Variants in C13orf46 observed in about 807,000 individuals in gnomAD.
C13orf46 encodes uncharacterized protein C13orf46.
chr13:113,945,952 A>G, the C13orf46 span, among the ~76,000 whole-genome samples: 1 of 152,192 alleles, frequency 6.6e-6, no homozygotes, highest in East Asian at 1.9e-4. Context: ...AGTGCAGGGC[A>G]GTAAACCCAC....
At chr13:113,945,071 G>A in the C13orf46 span, among the ~76,000 whole-genome samples, 16 of 151,376 alleles carry the variant, frequency 1.1e-4, no homozygotes, top group South Asian at 2.7e-3. Context: ...GAGTCCTCCA[G>A]GTGTGTGACG....
At chr13:113,958,363 G>A (rs1230088433) in intron 6 of C13orf46, among the ~76,000 whole-genome samples, 2 of 152,228 alleles carry the variant, frequency 1.3e-5, no homozygotes, top group African/African-American at 4.8e-5. Flanking sequence ...CCCTGACTGG[G>A]AGGACATGCA....
the C13orf46 span, among the ~76,000 whole-genome samples, chr13:113,946,295 C>A: frequency 6.6e-6 from 1 of 152,168 alleles, no homozygotes; most frequent in African/African-American, 2.4e-5. Flanking sequence ...CACACGCACC[C>A]CTCTAACTCA....
Position 113,956,114 on chromosome 13 carries a change from G to A in C13orf46, c.*659C>T, listed in dbSNP as rs1196852895. ...GTGGAGTAGTATCTGGCGGAGAGGA[G>A]GAGTAGGATCTGGCGGAGAGGAGGA... On this transcript the variant is annotated 3_prime_UTR_variant, in exon 7 of 7. Transcript: ENST00000636427. 1 of 157,398 alleles carries A rather than the reference G, an allele frequency of 6.4e-6. No homozygotes were observed. The highest frequency in any genetic ancestry group is 1.4e-5 in the Non-Finnish European group (1 of 72,604). The allele number at this position is 157,398 out of a possible 1,614,324, so 9.8% of individuals were successfully genotyped here. A position where few individuals can be genotyped will look rare whatever the true frequency, so the allele number is the denominator to read the frequency against.
rs2052502850 is a variant in C13orf46, at chr13:113,954,257, C to T, written c.*2516G>A. The T allele has an allele frequency of 6.6e-6, 1 of 152,328 alleles. No homozygotes were observed. The highest frequency in any genetic ancestry group is 1.5e-5 in the Non-Finnish European group (1 of 68,114). The allele number at this position is 152,328 out of a possible 1,614,324, so 9.4% of individuals were successfully genotyped here. A position where few individuals can be genotyped will look rare whatever the true frequency, so the allele number is the denominator to read the frequency against. On this transcript the variant is annotated 3_prime_UTR_variant, in exon 7 of 7. Coordinates refer to ENST00000636427, the MANE Select transcript of C13orf46 (RefSeq NM_001365455.2). Reference sequence around the variant, plus strand: ...GTGGCCTCTGACTGCCTTAGAGACACCCGGATCAGAGATGCTGCAGGTCAC... The same window carrying T: ...GTGGCCTCTGACTGCCTTAGAGACATCCGGATCAGAGATGCTGCAGGTCAC...
At chr13:113,938,694 C>G in the C13orf46 span, among the ~76,000 whole-genome samples, 1 of 152,196 alleles carries the variant, frequency 6.6e-6, no homozygotes, top group Non-Finnish European at 1.5e-5. Context: ...TTGCTGTGCC[C>G]ACCACTGGGA....
chr13:113,933,932 T>G, the C13orf46 span, among the ~76,000 whole-genome samples: 1 of 152,162 alleles, frequency 6.6e-6, no homozygotes, highest in Non-Finnish European at 1.5e-5. Flanking sequence ...TTCCGTGTGT[T>G]TGTTTTATTC....
Position 113,955,328 on chromosome 13 carries a change from G to A in C13orf46, c.*1445C>T. 5.7e-6 allele frequency: 1 copy of A among 174,074 alleles called. No individual in the cohort carries two copies. The highest frequency in any genetic ancestry group is 1.2e-5 in the Non-Finnish European group (1 of 84,344). The allele number at this position is 174,074 out of a possible 1,614,324, so 10.8% of individuals were successfully genotyped here. A position where few individuals can be genotyped will look rare whatever the true frequency, so the allele number is the denominator to read the frequency against. On this transcript the variant is annotated 3_prime_UTR_variant, in exon 7 of 7. Coordinates refer to ENST00000636427, the MANE Select transcript of C13orf46 (RefSeq NM_001365455.2). Reference sequence around the variant, plus strand: ...TGGCAGAGAGGAGTAGTATCTGGTGGAGAGGAGGAGTAGTATCTGGTGGAG... The same window carrying A: ...TGGCAGAGAGGAGTAGTATCTGGTGAAGAGGAGGAGTAGTATCTGGTGGAG...
chr13:113,927,938 G>A, the C13orf46 span: 12 of 263,806 alleles, frequency 4.5e-5, no homozygotes, highest in African/African-American at 6.6e-5. Context: ...GTCTGCCTGC[G>A]TTATGCAATG....
chr13:113,936,726 G>A, the C13orf46 span, among the ~76,000 whole-genome samples: 7 of 151,498 alleles, frequency 4.6e-5, no homozygotes, highest in Admixed American at 2.0e-4. Flanking sequence ...GACTGGTTGG[G>A]GGTGCAGTCG....
downstream of C13orf46, among the ~76,000 whole-genome samples, chr13:113,952,414 C>T (rs916104657): frequency 1.1e-4 from 16 of 151,912 alleles, no homozygotes; most frequent in African/African-American, 2.7e-4. Context: ...GTGTGGCCGC[C>T]GCTCCCGCCT....
chr13:113,956,248 T>C lies in C13orf46; in HGVS notation c.*525A>G, dbSNP rs1365361815. On this transcript the variant is annotated 3_prime_UTR_variant, in exon 7 of 7. Transcript: ENST00000636427. ...GCATCTCGAGGAGACGAGGAGCATC[T>C]CGACGAGAGGAGGAACATCCGGTGG... The C allele has an allele frequency of 6.6e-6, 1 of 152,424 alleles. No individual in the cohort carries two copies. The highest frequency in any genetic ancestry group is 2.0e-4 in the East Asian group (1 of 5,008). 9.4% of individuals were successfully genotyped at this position (152,424 alleles called of 1,614,324 possible).
chr13:113,926,800 AGCCTACCTATACATGT>A, the C13orf46 span: 1 of 152,334 alleles, frequency 6.6e-6, no homozygotes, highest in South Asian at 2.1e-4. Context: ...CCCATGAGCG[AGCCTACCTATACATGT>A]GCAGTGTCAC....
At chr13:113,951,594 G>A (rs1333644235), downstream of C13orf46, among the ~76,000 whole-genome samples, 3 of 150,944 alleles carry the variant, frequency 2.0e-5, no homozygotes, top group African/African-American at 7.3e-5. Flanking sequence ...CCCCAAGGCT[G>A]CACTCGCTCC....
chr13:113,964,727 G>A (rs1292789096), intron 6 of C13orf46, among the ~76,000 whole-genome samples, 200 bp downstream of exon 6: 3 of 152,146 alleles, frequency 2.0e-5, no homozygotes, highest in Admixed American at 6.5e-5. Flanking sequence ...TGAGCCCTTC[G>A]AAGGTCCGAT....
chr13:113,969,600 C>T (rs1414865456), intron 2 of C13orf46, among the ~76,000 whole-genome samples: 3 of 152,196 alleles, frequency 2.0e-5, no homozygotes, highest in Admixed American at 6.5e-5. Flanking sequence ...GCTGGTAAAT[C>T]GACTTTGTTA....
At chr13:113,930,214 T>C in the C13orf46 span, among the ~76,000 whole-genome samples, 3 of 152,220 alleles carry the variant, frequency 2.0e-5, no homozygotes, top group African/African-American at 7.2e-5. Context: ...GCAGTCCAGA[T>C]GCTTCTCTCC....
intron 5 of C13orf46, among the ~76,000 whole-genome samples, chr13:113,966,927 G>A (rs967425743): frequency 6.6e-6 from 1 of 152,080 alleles, no homozygotes; most frequent in Non-Finnish European, 1.5e-5. Context: ...GACAACTGAG[G>A]CACAGGGAAG....
the C13orf46 span, among the ~76,000 whole-genome samples, chr13:113,938,691 G>C: frequency 6.6e-6 from 1 of 152,202 alleles, no homozygotes; most frequent in Non-Finnish European, 1.5e-5. Context: ...CCCTTGCTGT[G>C]CCCACCACTG....
Sources: gnomAD v4.1 joint callset for allele counts (sites outside exome capture counted in the v4.1 genomes callset) on GRCh38, gnomAD v4.1.1 for gene constraint, MANE v1.5 for transcripts, NCBI Gene and HGNC (gene_info 2026-07-23, HGNC 2026-07-21) for gene names.